CIRSR: variants seen among roughly 807,000 people sequenced by gnomAD.
The protein encoded by CIRSR is corepressor of RBPJ and splicing regulator.
chr2:174,348,987 T>C, the CIRSR span: 2 of 1,598,200 alleles, frequency 1.3e-6, no homozygotes, highest in Non-Finnish European at 1.7e-6. Context: ...CCTTTGTATT[T>C]TTTTTTCTTT....
At chr2:174,383,684 C>T in the CIRSR span, among the ~76,000 whole-genome samples, 1 of 141,722 alleles carries the variant, frequency 7.1e-6, no homozygotes, top group Admixed American at 7.4e-5. Flanking sequence ...CGCACCACTG[C>T]ACTCCAGGCT....
chr2:174,368,545 G>A, the CIRSR span, among the ~76,000 whole-genome samples: 1,386 of 152,310 alleles, frequency 9.1e-3, 9 homozygotes, highest in Non-Finnish European at 0.015. Flanking sequence ...ATGGCTGGGC[G>A]TGGTGGCTCA....
the CIRSR span, chr2:174,380,963 G>A: frequency 1.2e-5 from 7 of 606,004 alleles, no homozygotes; most frequent in Admixed American, 2.2e-4. Flanking sequence ...TCTTTCACAT[G>A]ATAAAAATTC....
chr2:174,349,284 T>A, the CIRSR span: 12 of 706,770 alleles, frequency 1.7e-5, no homozygotes, highest in Admixed American at 4.3e-4. Context: ...ATAGTATCCA[T>A]GGCAGAGCGC....
the CIRSR span, among the ~76,000 whole-genome samples, chr2:174,382,966 A>G: frequency 6.6e-6 from 1 of 152,236 alleles, no homozygotes; most frequent in African/African-American, 2.4e-5. Context: ...CTCTCCTTAT[A>G]TCCACTGGAT....
chr2:174,369,943 G>A, the CIRSR span: 5 of 1,358,292 alleles, frequency 3.7e-6, no homozygotes, highest in South Asian at 2.3e-5. Flanking sequence ...AAGCACATAC[G>A]GTTGGAAAAC....
the CIRSR span, among the ~76,000 whole-genome samples, chr2:174,366,557 T>G: frequency 6.6e-6 from 1 of 152,150 alleles, no homozygotes; most frequent in Non-Finnish European, 1.5e-5. Flanking sequence ...AGAAGCTCCT[T>G]AGTGAGAAGG....
chr2:174,372,040 C>T, the CIRSR span, among the ~76,000 whole-genome samples: 2 of 152,080 alleles, frequency 1.3e-5, no homozygotes, highest in Non-Finnish European at 1.5e-5. Flanking sequence ...ATTCAGAACA[C>T]AACATCATTA....
chr2:174,376,246 C>T, the CIRSR span, among the ~76,000 whole-genome samples: 1 of 152,124 alleles, frequency 6.6e-6, no homozygotes, highest in African/African-American at 2.4e-5. Flanking sequence ...CTCATCTTCT[C>T]CCACCCAGGT....
the CIRSR span, among the ~76,000 whole-genome samples, chr2:174,392,649 A>G: frequency 1.3e-5 from 2 of 152,172 alleles, no homozygotes; most frequent in African/African-American, 4.8e-5. Context: ...TCAGTGATTG[A>G]CTAGATAAAG....
At chr2:174,367,512 G>A in the CIRSR span, among the ~76,000 whole-genome samples, 2 of 151,964 alleles carry the variant, frequency 1.3e-5, no homozygotes, top group South Asian at 2.1e-4. Context: ...CCCTGGAGGC[G>A]GAGGTTGCAG....
the CIRSR span, among the ~76,000 whole-genome samples, chr2:174,373,607 C>T: frequency 6.6e-6 from 1 of 151,976 alleles, no homozygotes; most frequent in Non-Finnish European, 1.5e-5. Context: ...AATTTACATG[C>T]CCATAGATTT....
the CIRSR span, among the ~76,000 whole-genome samples, chr2:174,373,651 C>G: frequency 2.6e-5 from 4 of 151,928 alleles, no homozygotes; most frequent in African/African-American, 9.7e-5. Context: ...CAATTGTATT[C>G]CTTAGTTTAC....
chr2:174,391,848 A>G, the CIRSR span, among the ~76,000 whole-genome samples: 3 of 152,244 alleles, frequency 2.0e-5, no homozygotes, highest in Admixed American at 2.0e-4. Context: ...TTATGGTGAG[A>G]GTAGCCAGTC....
At chr2:174,362,703 A>C in the CIRSR span, among the ~76,000 whole-genome samples, 7 of 91,966 alleles carry the variant, frequency 7.6e-5, no homozygotes, top group Non-Finnish European at 2.0e-4. Flanking sequence ...AAAAAAAAAA[A>C]AAAAAAAAAA....
chr2:174,385,215 C>CAA, the CIRSR span, among the ~76,000 whole-genome samples: 38 of 93,834 alleles, frequency 4.0e-4, no homozygotes, highest in Non-Finnish European at 6.2e-4. Context: ...ACCTTCCTCT[C>CAA]AAAAAAAAAA....
the CIRSR span, among the ~76,000 whole-genome samples, chr2:174,382,452 A>G: frequency 6.6e-6 from 1 of 152,196 alleles, no homozygotes; most frequent in Non-Finnish European, 1.5e-5. Flanking sequence ...CAGCCTGGTC[A>G]ACATGCAGAA....
At chr2:174,349,082 CTT>C in the CIRSR span, 1 of 1,556,026 alleles carries the variant, frequency 6.4e-7, no homozygotes, top group South Asian at 1.2e-5. Flanking sequence ...AAGAAGAGGA[CTT>C]ATGTTTTTTG....
At chr2:174,390,269 C>T in the CIRSR span, among the ~76,000 whole-genome samples, 1 of 152,260 alleles carries the variant, frequency 6.6e-6, no homozygotes, top group Non-Finnish European at 1.5e-5. Flanking sequence ...CTTGCATCAG[C>T]ACACCCTGGA....
Sources: gnomAD v4.1 joint callset for allele counts (sites outside exome capture counted in the v4.1 genomes callset) on GRCh38, gnomAD v4.1.1 for gene constraint, MANE v1.5 for transcripts, NCBI Gene and HGNC (gene_info 2026-07-23, HGNC 2026-07-21) for gene names.